The following PMFBP1 variants were observed in gnomAD, a reference collection of about 807,000 sequenced individuals.
PMFBP1 encodes the protein polyamine modulated factor 1 binding protein 1, also known as polyamine-modulated factor 1-binding protein 1.
In PMFBP1, 131 loss-of-function variants were observed where a neutral mutation model predicts 137.8. The ratio of observed to expected loss-of-function variants is 0.95; its 90% CI spans 0.82 to 1.10. The LOEUF is 1.10. Ranked by LOEUF, PMFBP1 falls within the 50% of genes least tolerant of loss-of-function variation. PMFBP1 has a pLI of 0.00. For missense variants in PMFBP1, 1,199 were observed against 1,175.4 expected (o/e 1.02, Z -0.29); for synonymous variants, 490 against 450.4 (o/e 1.09, Z -1.11).
intron 4 of PMFBP1, among the ~76,000 whole-genome samples, chr16:72,151,770 A>G (rs2042906035): frequency 6.6e-6 from 1 of 152,234 alleles, no homozygotes; most frequent in South Asian, 2.1e-4. Context: ...CAAAGCTGTC[A>G]GTGGCCAGCC....
chr16:72,136,694 C>A lies in PMFBP1; in HGVS notation c.1044G>T (p.Lys348Asn), dbSNP rs112724726. Residue 348 changes from lysine (K) to asparagine (N), a missense_variant and splice_region_variant, in exon 8 of 21, where the codon AAG becomes AAT. Coordinates refer to ENST00000237353, the MANE Select transcript of PMFBP1 (RefSeq NM_031293.3). Reference protein sequence around the residue: ...AVSEQKRNIMKDMMKLELDLH... With the variant: ...AVSEQKRNIMNDMMKLELDLH... ...CCACAGCCTGCAGCCCCAGTTTACC[C>A]TTCATGATGTTTCTCTTCTGTTCCG... 1.7e-4 allele frequency: 267 copies of A among 1,614,170 alleles called. 2 individuals are homozygous for A. In the African/African-American group the frequency reaches 3.1e-3, roughly 18 times the overall value.
intron 17 of PMFBP1, 96 bp from the exon 18 acceptor site, chr16:72,123,745 GA>G: frequency 8.7e-7 from 1 of 1,144,566 alleles, no homozygotes; most frequent in Admixed American, 2.4e-5. Context: ...CCTGGGAAAA[GA>G]AAACTTGACT....
chr16:72,233,747 TC>T, the PMFBP1 span, among the ~76,000 whole-genome samples: 1 of 152,096 alleles, frequency 6.6e-6, no homozygotes, highest in Non-Finnish European at 1.5e-5. Flanking sequence ...ATTCCCTCCT[TC>T]CCTCAGCCCC....
At chr16:72,136,159 G>A (rs899618281) in intron 9 of PMFBP1, among the ~76,000 whole-genome samples, 2 of 152,032 alleles carry the variant, frequency 1.3e-5, no homozygotes, top group Non-Finnish European at 1.5e-5. Context: ...AGAGTATAAG[G>A]GAACAATGCA....
At chr16:72,171,537 A>C (rs2043220437) in intron 1 of PMFBP1, 2 of 359,048 alleles carry the variant, frequency 5.6e-6, no homozygotes, top group African/African-American at 2.0e-5. Flanking sequence ...GAAAGCAAAA[A>C]GTCTGAATCG....
chr16:72,203,032 G>T, the PMFBP1 span, among the ~76,000 whole-genome samples: 1 of 152,190 alleles, frequency 6.6e-6, no homozygotes, highest in Non-Finnish European at 1.5e-5. Context: ...GCCTCCCTCA[G>T]TCCTACAGTG....
chr16:72,231,638 G>C, the PMFBP1 span, among the ~76,000 whole-genome samples: 1 of 152,066 alleles, frequency 6.6e-6, no homozygotes, highest in Non-Finnish European at 1.5e-5. Flanking sequence ...TAATATTTTT[G>C]TAAAACACAA....
chr16:72,228,576 C>A, the PMFBP1 span, among the ~76,000 whole-genome samples: 4 of 152,160 alleles, frequency 2.6e-5, no homozygotes, highest in African/African-American at 9.7e-5. Flanking sequence ...AGGACACAGA[C>A]TGCATCTCAT....
chr16:72,204,365 G>A, the PMFBP1 span, among the ~76,000 whole-genome samples: 26 of 152,026 alleles, frequency 1.7e-4, no homozygotes, highest in Admixed American at 1.5e-3. Context: ...GTGCACCACC[G>A]CACGTTGCTA....
rs962913323 is a variant in PMFBP1, at chr16:72,128,977, T to A, written c.1950+89A>T. Reference sequence around the variant, plus strand: ...TCCCGTCTTTCCTAAGCTCTGAGCATCCAGGGCCTCCGCATCCCTGGAGGC... The same window carrying A: ...TCCCGTCTTTCCTAAGCTCTGAGCAACCAGGGCCTCCGCATCCCTGGAGGC... On this transcript the variant is annotated intron_variant, in intron 13 of 20. Transcript: ENST00000237353. The A allele has an allele frequency of 6.5e-6, 10 of 1,536,116 alleles. No homozygotes were observed. The African/African-American group carries it at 1.2e-4, about 19-fold the overall frequency.
intron 18 of PMFBP1, 120 bp downstream of exon 18, chr16:72,123,426 T>C: frequency 1.2e-6 from 1 of 818,418 alleles, no homozygotes; most frequent in Non-Finnish European, 1.9e-6. Flanking sequence ...GGGTGTGGGC[T>C]GAGACTGGAT....
intron 13 of PMFBP1, 94 bp downstream of exon 13, chr16:72,128,972 G>C (rs2042505000): frequency 1.3e-6 from 2 of 1,531,432 alleles, no homozygotes; most frequent in African/African-American, 2.8e-5. Context: ...CCTAAGCTCT[G>C]AGCATCCAGG....
At chr16:72,170,266 T>C (rs2043202106) in intron 2 of PMFBP1, among the ~76,000 whole-genome samples, 1 of 151,148 alleles carries the variant, frequency 6.6e-6, no homozygotes, top group Non-Finnish European at 1.5e-5. Flanking sequence ...TCTGTATGGC[T>C]CCAGTAATGC....
At chr16:72,192,989 A>G in the PMFBP1 span, among the ~76,000 whole-genome samples, 1 of 152,164 alleles carries the variant, frequency 6.6e-6, no homozygotes, top group Non-Finnish European at 1.5e-5. Flanking sequence ...AAGAATGTGC[A>G]CGTTATATTG....
the PMFBP1 span, among the ~76,000 whole-genome samples, chr16:72,186,337 T>A: frequency 6.6e-6 from 1 of 152,218 alleles, no homozygotes; most frequent in East Asian, 1.9e-4. Context: ...TCACTTTCTA[T>A]TCAAATAATT....
intron 2 of PMFBP1, among the ~76,000 whole-genome samples, chr16:72,169,464 T>C (rs1352973594): frequency 3.3e-5 from 5 of 152,206 alleles, no homozygotes; most frequent in Admixed American, 2.0e-4. Context: ...AATGGGTACT[T>C]ATACAAGGTT....
chr16:72,201,936 C>A, the PMFBP1 span, among the ~76,000 whole-genome samples: 16 of 152,354 alleles, frequency 1.1e-4, no homozygotes, highest in Middle Eastern at 0.014. Context: ...CTCCACCAAA[C>A]TGAAGTAACT....
intron 2 of PMFBP1, among the ~76,000 whole-genome samples, chr16:72,168,150 T>C (rs188200851): frequency 2.0e-5 from 3 of 152,232 alleles, no homozygotes; most frequent in South Asian, 2.1e-4. Flanking sequence ...CTTAAACCAG[T>C]TGAATAACAA....
At chr16:72,150,952 A>C in intron 4 of PMFBP1, 123 bp from the exon 5 acceptor site, 1 of 805,320 alleles carries the variant, frequency 1.2e-6, no homozygotes, top group Non-Finnish European at 2.1e-6. Context: ...TGAACAGAAG[A>C]GAGGCTGCAC....
Sources: allele counts gnomAD v4.1 joint callset (sites outside exome capture counted in the v4.1 genomes callset), GRCh38; gene constraint gnomAD v4.1.1; transcripts MANE v1.5; gene names NCBI Gene and HGNC (gene_info 2026-07-23, HGNC 2026-07-21).